Variants in PRIM2 observed in about 807,000 individuals in gnomAD.
PRIM2 encodes the protein DNA primase large subunit.
Under a neutral mutation model 67.3 loss-of-function variants are expected in PRIM2, and 39 were observed. The observed-to-expected ratio is 0.58, with a 90% CI of 0.45 to 0.76. The LOEUF is 0.76. Among genes scored for constraint, PRIM2 ranks in the 30% least tolerant of loss-of-function variants. PRIM2 has a pLI of 0.00. For missense variants in PRIM2, 398 were observed against 598.7 expected, an observed-to-expected ratio of 0.66 and a Z score of 3.50; for synonymous variants, 143 against 198.7, an observed-to-expected ratio of 0.72 and a Z score of 2.36.
intron 10 of PRIM2, among the ~76,000 whole-genome samples, chr6:57,595,628 C>T (rs1776352638): frequency 6.6e-6 from 1 of 152,118 alleles, no homozygotes; most frequent in Non-Finnish European, 1.5e-5. Flanking sequence ...TGTGCTAGAG[C>T]AGCTCATAGA....
At chr6:57,577,002 G>A (rs1321685404) in intron 10 of PRIM2, among the ~76,000 whole-genome samples, 137 of 152,002 alleles carry the variant, frequency 9.0e-4, no homozygotes, top group South Asian at 1.9e-3. Context: ...AAATACAAAT[G>A]ACTTTATTTA....
rs1386983600 is a variant in PRIM2, at chr6:57,423,678, C to G, written c.693+41510C>G. On this transcript the variant is annotated intron_variant, in intron 7 of 13. Coordinates refer to ENST00000615550, the MANE Select transcript of PRIM2 (RefSeq NM_000947.5). ...ATTTATGGTGAAGTAGCCAATTAAA[C>G]TTGGTATGTGCAAAGCCAAGGGAAG... Among the ~76,000 whole-genome samples, 4 of 152,216 alleles carry G rather than the reference C, an allele frequency of 2.6e-5. No homozygotes were observed. In the South Asian group the frequency reaches 8.3e-4, roughly 32 times the overall value.
At chr6:57,227,210 C>T in the PRIM2 span, among the ~76,000 whole-genome samples, 2 of 152,170 alleles carry the variant, frequency 1.3e-5, no homozygotes, top group Non-Finnish European at 1.5e-5. Flanking sequence ...GAACTTCGCT[C>T]ATGGTAAATA....
At chr6:57,453,769 A>G (rs1318907833) in intron 7 of PRIM2, among the ~76,000 whole-genome samples, 7 of 152,198 alleles carry the variant, frequency 4.6e-5, no homozygotes, top group Admixed American at 3.3e-4. Flanking sequence ...CTAATTGAAT[A>G]CCCTTTATTT....
intron 8 of PRIM2, among the ~76,000 whole-genome samples, chr6:57,511,089 G>C (rs2127460834): frequency 6.6e-6 from 1 of 152,286 alleles, no homozygotes; most frequent in South Asian, 2.1e-4. Flanking sequence ...ACAAATACCT[G>C]TAAAAATTGA....
At chr6:57,253,515 T>C in the PRIM2 span, among the ~76,000 whole-genome samples, 1 of 152,144 alleles carries the variant, frequency 6.6e-6, no homozygotes, top group Non-Finnish European at 1.5e-5. Context: ...CTGTTCTACC[T>C]GGTACTGTAG....
At chr6:57,642,433 A>ACCTTTTTTT (rs1444848326) in intron 13 of PRIM2, among the ~76,000 whole-genome samples, 65 of 107,052 alleles carry the variant, frequency 6.1e-4, no homozygotes, top group East Asian at 1.0e-3. Flanking sequence ...TAAATATTAT[A>ACCTTTTTTT]TCTTTTTTTT....
chr6:57,503,452 G>GA (rs1226260423), intron 7 of PRIM2, among the ~76,000 whole-genome samples: 14 of 152,070 alleles, frequency 9.2e-5, no homozygotes, highest in Non-Finnish European at 1.8e-4. Flanking sequence ...ACATAGATTA[G>GA]AAGGAAGGAA....
intron 7 of PRIM2, among the ~76,000 whole-genome samples, chr6:57,384,270 A>G (rs1340184865): frequency 6.6e-6 from 1 of 152,154 alleles, no homozygotes; most frequent in Non-Finnish European, 1.5e-5. Flanking sequence ...GGAAAGATCT[A>G]TTCCACATCT....
chr6:57,448,227 T>C, intron 7 of PRIM2, among the ~76,000 whole-genome samples: 1 of 152,212 alleles, frequency 6.6e-6, no homozygotes, highest in African/African-American at 2.4e-5. Flanking sequence ...TAATTTAAAA[T>C]GCAACCATTT....
chr6:57,376,934 G>A (rs1392084123), intron 5 of PRIM2, among the ~76,000 whole-genome samples: 2 of 152,108 alleles, frequency 1.3e-5, no homozygotes, highest in Admixed American at 6.6e-5. Context: ...CTGGAGTGCA[G>A]TGGCACAATC....
At chr6:57,256,133 A>C in the PRIM2 span, among the ~76,000 whole-genome samples, 1 of 152,214 alleles carries the variant, frequency 6.6e-6, no homozygotes, top group Non-Finnish European at 1.5e-5. Flanking sequence ...AGTTGTGATG[A>C]GGTAAGTACC....
rs1012982245 is a variant in PRIM2, at chr6:57,454,527, G to A, written c.694-52860G>A. Among the ~76,000 whole-genome samples the A allele has an allele frequency of 1.2e-3, 190 of 152,282 alleles. 5 individuals carry two copies. The East Asian group carries it at 0.016, about 13-fold the overall frequency. ...CTGGTTTAGACTTGGGAGAGTGTATGTGTCCAGGAATTTATCCATTTCTTC... is the reference window on the plus strand; with the variant it reads ...CTGGTTTAGACTTGGGAGAGTGTATATGTCCAGGAATTTATCCATTTCTTC... On this transcript the variant is annotated intron_variant, in intron 7 of 13. Coordinates refer to ENST00000615550, the MANE Select transcript of PRIM2 (RefSeq NM_000947.5).
At chr6:57,317,545 G>A (rs1042124989), upstream of PRIM2, 3 of 152,756 alleles carry the variant, frequency 2.0e-5, no homozygotes, top group African/African-American at 7.2e-5. Context: ...CATGCCCAGA[G>A]CCTCAGGCCA....
chr6:57,279,550 C>G, the PRIM2 span, among the ~76,000 whole-genome samples: 1 of 152,108 alleles, frequency 6.6e-6, no homozygotes, highest in South Asian at 2.1e-4. Context: ...TTTTGGAGAA[C>G]TATATGACTA....
the PRIM2 span, among the ~76,000 whole-genome samples, chr6:57,256,327 GCT>G: frequency 6.6e-6 from 1 of 151,960 alleles, no homozygotes; most frequent in African/African-American, 2.4e-5. Flanking sequence ...ACCCTACAGG[GCT>G]ATATTATGTA....
intron 7 of PRIM2, among the ~76,000 whole-genome samples, chr6:57,460,925 T>C (rs1223424173): frequency 6.6e-6 from 1 of 152,216 alleles, no homozygotes; most frequent in Non-Finnish European, 1.5e-5. Flanking sequence ...CAGCTCTTTA[T>C]TGATTAATGA....
the PRIM2 span, among the ~76,000 whole-genome samples, chr6:57,302,081 T>C: frequency 6.6e-6 from 1 of 152,216 alleles, no homozygotes; most frequent in African/African-American, 2.4e-5. Context: ...TGCTTTCCAA[T>C]TTAAACTGTT....
chr6:57,502,530 C>T (rs1326667803), intron 7 of PRIM2, among the ~76,000 whole-genome samples: 41 of 152,286 alleles, frequency 2.7e-4, no homozygotes, highest in African/African-American at 8.7e-4. Flanking sequence ...CATGAAGGGA[C>T]GTGAACCTTA....
Sources: allele counts gnomAD v4.1 joint callset (sites outside exome capture counted in the v4.1 genomes callset), GRCh38; gene constraint gnomAD v4.1.1; transcripts MANE v1.5; gene names NCBI Gene and HGNC (gene_info 2026-07-23, HGNC 2026-07-21).